Variants in VTI1A observed in about 807,000 individuals in gnomAD.
VTI1A encodes vesicle transport through interaction with t-SNAREs 1A.
A neutral mutation model predicts 34.9 loss-of-function variants in VTI1A; 22 were observed. That is an observed-to-expected ratio of 0.63 (90% CI 0.45 to 0.90). The LOEUF is 0.90. Among genes scored for constraint, VTI1A ranks in the 40% least tolerant of loss-of-function variants. The pLI is 0.00. For missense variants in VTI1A, 268 were observed against 275.6 expected (o/e 0.97, Z 0.20); for synonymous variants, 87 against 97.3 (o/e 0.89, Z 0.62).
chr10:112,822,598 G>T (rs1268672379), downstream of VTI1A, among the ~76,000 whole-genome samples: 1 of 152,132 alleles, frequency 6.6e-6, no homozygotes, highest in Admixed American at 6.5e-5. Context: ...ACATCCAGGG[G>T]TCTTGGCACA....
At chr10:112,826,421 A>T in the VTI1A span, 1 of 152,192 alleles carries the variant, frequency 6.6e-6, no homozygotes, top group Non-Finnish European at 1.5e-5. Context: ...CTGCTCTAGA[A>T]ATGAAGTCTA....
intron 5 of VTI1A, among the ~76,000 whole-genome samples, chr10:112,598,919 G>A (rs1205760477): frequency 6.6e-6 from 1 of 152,154 alleles, no homozygotes; most frequent in East Asian, 1.9e-4. Flanking sequence ...ATTTTTGAGA[G>A]GAGAGAGTCA....
At chr10:112,701,534 G>T (rs1849010338) in intron 7 of VTI1A, among the ~76,000 whole-genome samples, 1 of 152,190 alleles carries the variant, frequency 6.6e-6, no homozygotes, top group Non-Finnish European at 1.5e-5. Flanking sequence ...TGAGGCTCAA[G>T]ATCAAATGAT....
intron 7 of VTI1A, among the ~76,000 whole-genome samples, chr10:112,776,235 G>A (rs776722946): frequency 2.0e-4 from 31 of 152,354 alleles, no homozygotes; most frequent in South Asian, 4.1e-4. Flanking sequence ...GCGCTGCACC[G>A]TGTTAGTGCT....
At chr10:112,565,086 T>C (rs1851865396) in intron 5 of VTI1A, among the ~76,000 whole-genome samples, 1 of 152,118 alleles carries the variant, frequency 6.6e-6, no homozygotes, top group Non-Finnish European at 1.5e-5. Flanking sequence ...TGGAAGTGAA[T>C]GTATTTATCA....
At chr10:112,746,631 G>A (rs570779725) in intron 7 of VTI1A, among the ~76,000 whole-genome samples, 91 of 152,300 alleles carry the variant, frequency 6.0e-4, no homozygotes, top group African/African-American at 2.1e-3. Flanking sequence ...AGCGTGAACC[G>A]ATAAGCCTGA....
intron 5 of VTI1A, among the ~76,000 whole-genome samples, chr10:112,554,271 C>T (rs766290111): frequency 2.6e-5 from 4 of 152,158 alleles, no homozygotes; most frequent in South Asian, 4.1e-4. Flanking sequence ...AGTACACTTA[C>T]ACTGCAGACT....
At chr10:112,768,966 T>C (rs1230637676) in intron 7 of VTI1A, among the ~76,000 whole-genome samples, 1 of 152,242 alleles carries the variant, frequency 6.6e-6, no homozygotes, top group Admixed American at 6.5e-5. Context: ...GAAACTTCTC[T>C]CAAGTTTAAA....
intron 7 of VTI1A, among the ~76,000 whole-genome samples, chr10:112,754,737 AG>A (rs1364239259): frequency 6.6e-6 from 1 of 152,142 alleles, no homozygotes; most frequent in African/African-American, 2.4e-5. Flanking sequence ...CCCAGCATGC[AG>A]GGGGGCACAG....
intron 1 of VTI1A, chr10:112,449,482 G>C (rs928634584): frequency 7.2e-5 from 11 of 152,332 alleles, no homozygotes; most frequent in Admixed American, 5.2e-4. Context: ...GGCAGAGCCC[G>C]GTGGCTCATG....
chr10:112,574,619 A>G (rs1852263256), intron 5 of VTI1A, among the ~76,000 whole-genome samples: 1 of 152,212 alleles, frequency 6.6e-6, no homozygotes, highest in Non-Finnish European at 1.5e-5. Context: ...TAGTAGCTTA[A>G]TAAGACCTTG....
At chr10:112,530,775 G>A (rs148896610) in intron 4 of VTI1A, among the ~76,000 whole-genome samples, 162 of 152,050 alleles carry the variant, frequency 1.1e-3, no homozygotes, top group African/African-American at 3.7e-3. Flanking sequence ...GGGTGAAGTC[G>A]GTCAATTTAA....
At chr10:112,837,345 G>A in the VTI1A span, among the ~76,000 whole-genome samples, 4 of 152,054 alleles carry the variant, frequency 2.6e-5, no homozygotes, top group African/African-American at 9.7e-5. Context: ...ATCCTGGGAG[G>A]GGGAGGGGAT....
At chr10:112,625,347 G>A (rs1185997727) in intron 5 of VTI1A, among the ~76,000 whole-genome samples, 1 of 152,080 alleles carries the variant, frequency 6.6e-6, no homozygotes, top group Non-Finnish European at 1.5e-5. Context: ...ACTCAGGAAT[G>A]GAAAACCAGG....
intron 5 of VTI1A, among the ~76,000 whole-genome samples, chr10:112,566,334 A>G (rs1851902836): frequency 6.6e-6 from 1 of 152,228 alleles, no homozygotes; most frequent in Non-Finnish European, 1.5e-5. Context: ...ATGTTAAAAT[A>G]ATAGATTTAA....
the VTI1A span, among the ~76,000 whole-genome samples, chr10:112,853,295 C>T: frequency 1.3e-5 from 2 of 152,328 alleles, no homozygotes; most frequent in Middle Eastern, 3.4e-3. Flanking sequence ...CCTTGCAAGA[C>T]CTGCTTGCTC....
chr10:112,717,113 G>A (rs1849637790), intron 7 of VTI1A, among the ~76,000 whole-genome samples: 1 of 152,206 alleles, frequency 6.6e-6, no homozygotes, highest in Non-Finnish European at 1.5e-5. Flanking sequence ...CCACCGAAGG[G>A]ACATTGGCTC....
At chr10:112,460,437 A>G in intron 1 of VTI1A, 87 bp from the exon 2 acceptor site, 2 of 1,190,028 alleles carry the variant, frequency 1.7e-6, no homozygotes, top group Non-Finnish European at 2.3e-6. Context: ...TTGACCAGAA[A>G]GGAAAAAGGC....
intron 4 of VTI1A, among the ~76,000 whole-genome samples, chr10:112,537,150 A>T (rs1327379815): frequency 6.6e-6 from 1 of 151,636 alleles, no homozygotes; most frequent in Non-Finnish European, 1.5e-5. Context: ...TCAACAACAC[A>T]AAGTTGTAGG....
Sources: allele counts gnomAD v4.1 joint callset (sites outside exome capture counted in the v4.1 genomes callset), GRCh38; gene constraint gnomAD v4.1.1; transcripts MANE v1.5; gene names NCBI Gene and HGNC (gene_info 2026-07-23, HGNC 2026-07-21).